The following CACNA2D3 variants were observed in gnomAD, a reference collection of about 807,000 sequenced individuals.
CACNA2D3 encodes the protein calcium voltage-gated channel auxiliary subunit alpha2delta 3, also known as voltage-dependent calcium channel subunit alpha-2/delta-3.
CACNA2D3 carries 60 observed loss-of-function variants against 160.6 expected under a neutral mutation model. The ratio of observed to expected loss-of-function variants is 0.37; its 90% CI spans 0.30 to 0.46. CACNA2D3 has a LOEUF of 0.46. Among genes scored for constraint, CACNA2D3 ranks in the 20% least tolerant of loss-of-function variants. CACNA2D3 has a pLI of 1.00. For synonymous variants in CACNA2D3, 558 were observed against 492.9 expected, an observed-to-expected ratio of 1.13 and a Z score of -1.75; for missense variants, 1,205 against 1,365.0, an observed-to-expected ratio of 0.88 and a Z score of 1.85.
At chr3:54,603,602 G>A (rs901319868) in intron 9 of CACNA2D3, among the ~76,000 whole-genome samples, 1 of 152,226 alleles carries the variant, frequency 6.6e-6, no homozygotes, top group African/African-American at 2.4e-5. Context: ...CAAGTTGGAT[G>A]ATGGCTTCAA....
chr3:54,922,401 A>G (rs966369165), intron 27 of CACNA2D3, among the ~76,000 whole-genome samples: 1 of 151,770 alleles, frequency 6.6e-6, no homozygotes, highest in Non-Finnish European at 1.5e-5. Flanking sequence ...CTTACAATTT[A>G]ATCCACAATA....
chr3:54,535,767 A>T (rs996269189), intron 5 of CACNA2D3, among the ~76,000 whole-genome samples: 1 of 152,200 alleles, frequency 6.6e-6, no homozygotes. Context: ...GCTGGAGTTC[A>T]CATCAGGACA....
At chr3:54,746,954 C>A (rs561593565) in intron 11 of CACNA2D3, among the ~76,000 whole-genome samples, 4 of 152,140 alleles carry the variant, frequency 2.6e-5, no homozygotes, top group Admixed American at 2.0e-4. Flanking sequence ...CTGCCTTCTT[C>A]GGTTGACACA....
chr3:54,149,296 C>CACACACACATAT lies in CACNA2D3; in HGVS notation c.204+25705_204+25706insCACACATATACA, dbSNP rs1384338777. On this transcript the variant is annotated intron_variant, in intron 2 of 37. Transcript: ENST00000474759. ...ACACACACACACACACACACACACA[C>CACACACACATAT]ACATATGTGTGGAGCCCTCAGCTTG... 2.0e-5 allele frequency among the ~76,000 whole-genome samples: 3 copies of CACACACACATAT among 151,830 alleles called. No individual in the cohort carries two copies. The South Asian group carries it at 6.3e-4, about 32-fold the overall frequency.
At chr3:54,141,086 T>TGTGC (rs61601297) in intron 2 of CACNA2D3, among the ~76,000 whole-genome samples, 4 of 119,800 alleles carry the variant, frequency 3.3e-5, no homozygotes, top group Non-Finnish European at 3.5e-5. Context: ...TGTGTGTGTG[T>TGTGC]GCGCGCGCGC....
intron 5 of CACNA2D3, among the ~76,000 whole-genome samples, chr3:54,554,333 A>G (rs1428080828): frequency 1.3e-5 from 2 of 152,204 alleles, no homozygotes; most frequent in Admixed American, 6.5e-5. Context: ...TGTCAACTTC[A>G]TTGTCTGGCA....
At chr3:54,868,139 C>T (rs1031822011) in intron 17 of CACNA2D3, among the ~76,000 whole-genome samples, 1 of 152,170 alleles carries the variant, frequency 6.6e-6, no homozygotes, top group African/African-American at 2.4e-5. Flanking sequence ...TTAGAGTTGT[C>T]TCATAGCTCT....
chr3:54,367,520 C>A, intron 3 of CACNA2D3: 1 of 252,738 alleles, frequency 4.0e-6, no homozygotes, highest in Non-Finnish European at 8.2e-6. Flanking sequence ...GTCCCTAGTT[C>A]AGAGAGAGTG....
chr3:54,655,923 T>G (rs1425073052), intron 11 of CACNA2D3, among the ~76,000 whole-genome samples: 1 of 152,242 alleles, frequency 6.6e-6, no homozygotes, highest in African/African-American at 2.4e-5. Context: ...TCTGAGTGAC[T>G]TCAGGCAAGT....
chr3:54,309,850 C>T (rs1372532751), intron 2 of CACNA2D3, among the ~76,000 whole-genome samples: 1 of 152,048 alleles, frequency 6.6e-6, no homozygotes, highest in Non-Finnish European at 1.5e-5. Flanking sequence ...CTCTGAATCC[C>T]TCAAGCCGGA....
At chr3:54,878,925 T>A (rs1699726830) in intron 18 of CACNA2D3, 93 bp from the exon 19 acceptor site, 1 of 674,762 alleles carries the variant, frequency 1.5e-6, no homozygotes, top group African/African-American at 1.9e-5. Context: ...GTAAGTTCAA[T>A]ATGGAGGCTC....
At chr3:54,599,007 G>A (rs1309055013) in intron 9 of CACNA2D3, among the ~76,000 whole-genome samples, 2 of 152,130 alleles carry the variant, frequency 1.3e-5, no homozygotes, top group African/African-American at 2.4e-5. Flanking sequence ...AGGTGACAAC[G>A]ATAGGAAGAT....
intron 2 of CACNA2D3, among the ~76,000 whole-genome samples, chr3:54,145,039 G>A (rs981895342): frequency 6.6e-5 from 10 of 152,136 alleles, no homozygotes; most frequent in Admixed American, 2.6e-4. Context: ...TCTCTTTATA[G>A]GATCTCCCAA....
chr3:54,291,544 T>C (rs1703205543), intron 2 of CACNA2D3, among the ~76,000 whole-genome samples: 1 of 152,226 alleles, frequency 6.6e-6, no homozygotes, highest in Non-Finnish European at 1.5e-5. Flanking sequence ...CTGTAATCTT[T>C]TTTTTAAAAA....
At chr3:55,018,512 A>T (rs565543327) in intron 35 of CACNA2D3, among the ~76,000 whole-genome samples, 195 bp downstream of exon 35, 6 of 152,232 alleles carry the variant, frequency 3.9e-5, no homozygotes, top group African/African-American at 1.4e-4. Context: ...ACTGGGAAGC[A>T]TTCAGAATGC....
chr3:55,027,811 CCATTACAAACTAG>C (rs1703597077), intron 35 of CACNA2D3, among the ~76,000 whole-genome samples: 1 of 152,144 alleles, frequency 6.6e-6, no homozygotes, highest in Non-Finnish European at 1.5e-5. Context: ...AGAACCGTGT[CCATTACAAACTAG>C]TCTCAAGGCA....
chr3:54,522,315 T>G (rs950626961), intron 5 of CACNA2D3, among the ~76,000 whole-genome samples: 9 of 152,192 alleles, frequency 5.9e-5, no homozygotes, highest in African/African-American at 2.2e-4. Flanking sequence ...ATTGTTTTCT[T>G]AATTTCATTG....
At chr3:54,937,871 G>A (rs1240016466) in intron 27 of CACNA2D3, among the ~76,000 whole-genome samples, 3 of 152,130 alleles carry the variant, frequency 2.0e-5, no homozygotes, top group Admixed American at 6.5e-5. Context: ...AGCAGGTGCT[G>A]GAGAAGGGGT....
At chr3:54,578,332 A>C (rs912293974) in intron 8 of CACNA2D3, among the ~76,000 whole-genome samples, 11 of 152,222 alleles carry the variant, frequency 7.2e-5, no homozygotes, top group Non-Finnish European at 1.3e-4. Context: ...AGGTGACCAA[A>C]TCTTGAGTTG....
Sources: gnomAD v4.1 joint callset for allele counts (sites outside exome capture counted in the v4.1 genomes callset) on GRCh38, gnomAD v4.1.1 for gene constraint, MANE v1.5 for transcripts, NCBI Gene and HGNC (gene_info 2026-07-23, HGNC 2026-07-21) for gene names.